CEP43: variants seen among roughly 807,000 people sequenced by gnomAD.
The protein encoded by CEP43 is centrosomal protein 43, also known as FGFR1 oncogene partner.
CEP43 carries 36 observed loss-of-function variants against 52.6 expected under a neutral mutation model. The observed-to-expected ratio is 0.68, with a 90% CI of 0.52 to 0.90. The LOEUF (loss-of-function observed/expected upper bound fraction) is 0.90. Ranked by LOEUF, CEP43 falls within the 40% of genes least tolerant of loss-of-function variation. The pLI is 0.00. For synonymous variants in CEP43, 192 were observed against 172.4 expected (o/e 1.11, Z -0.89); for missense variants, 506 against 472.8 (o/e 1.07, Z -0.65).
Position 167,048,649 on chromosome 6 carries a change from G to T in CEP43, c.*8671G>T, listed in dbSNP as rs1780833258. Reference sequence around the variant, plus strand: ...TGAGGAGCTCTTCTATGATTTGACAGTGCAATTACTGAAGGGGAAGACACC... The same window carrying T: ...TGAGGAGCTCTTCTATGATTTGACATTGCAATTACTGAAGGGGAAGACACC... On this transcript the variant is annotated 3_prime_UTR_variant, in exon 13 of 13. Transcript: ENST00000366847. The T allele has an allele frequency of 6.6e-6, 1 of 152,166 alleles. No individual in the cohort carries two copies. Among genetic ancestry groups the T allele is most frequent in the South Asian group, 2.1e-4 (1 of 4,828 alleles). The allele number at this position is 152,166 out of a possible 1,614,324, so 9.4% of individuals were successfully genotyped here.
At chr6:167,001,548 G>C (rs1395032813) in intron 2 of CEP43, among the ~76,000 whole-genome samples, 1 of 152,118 alleles carries the variant, frequency 6.6e-6, no homozygotes, top group Non-Finnish European at 1.5e-5. Flanking sequence ...TATTCATCCA[G>C]TAACTCCAGC....
At chr6:167,031,784 C>T (rs1433989204) in intron 10 of CEP43, among the ~76,000 whole-genome samples, 1 of 152,168 alleles carries the variant, frequency 6.6e-6, no homozygotes. Context: ...GCTGACAACT[C>T]TTTTTCCTCA....
chr6:166,999,726 TG>T lies in CEP43; in HGVS notation c.102+217del, dbSNP rs1272163947. The T allele has an allele frequency of 2.4e-4, 115 of 484,106 alleles. No individual in the cohort carries two copies. The East Asian group carries it at 3.9e-3, about 16-fold the overall frequency. 30.0% of individuals were successfully genotyped at this position (484,106 alleles called of 1,614,324 possible). The stretch of plus-strand genomic sequence containing the variant: ...TGTGGTCCCGGAGGGCACCGCGGAC[TG>T]GGGGTGCCTGGCCCATCCCCTGCCT... On this transcript the variant is annotated intron_variant, in intron 1 of 12. Transcript: ENST00000366847.
intron 6 of CEP43, chr6:167,011,516 G>C (rs1182184001): frequency 6.6e-6 from 1 of 152,214 alleles, no homozygotes; most frequent in Non-Finnish European, 1.5e-5. Flanking sequence ...AGGATATGTA[G>C]GAATGGATAG....
Position 167,004,382 on chromosome 6 carries a change from A to G in CEP43, c.419A>G (p.Lys140Arg). The G allele has an allele frequency of 6.3e-7, 1 of 1,597,536 alleles. No homozygotes were observed. The highest frequency in any genetic ancestry group is 8.5e-7 in the Non-Finnish European group (1 of 1,172,990). The change falls in exon 5 of 13, where the codon AAA becomes AGA. Residue 140 changes from lysine to arginine, a missense_variant. Coordinates refer to ENST00000366847, the MANE Select transcript of CEP43 (RefSeq NM_007045.4). ...ATCAGGCGCTGTCAACAGAAAGAAA[A>G]AGGGCCAACCACTGGGGAAGTAAGT... Reference protein sequence around the residue: ...EVIRRCQQKEKGPTTGEGALD... With the variant: ...EVIRRCQQKERGPTTGEGALD...
intron 6 of CEP43, among the ~76,000 whole-genome samples, chr6:167,013,176 A>G (rs1583275193): frequency 1.3e-5 from 2 of 152,162 alleles, no homozygotes; most frequent in East Asian, 3.9e-4. Flanking sequence ...ACAAGTCTTC[A>G]AGGAAGTTGC....
intron 7 of CEP43, among the ~76,000 whole-genome samples, chr6:167,016,978 T>A (rs201038089): frequency 0.014 from 2,085 of 150,882 alleles, 34 homozygotes; most frequent in East Asian, 0.083. Context: ...AAATTTTATT[T>A]ATTATTTATT....
At chr6:167,010,315 C>T (rs1055173577) in intron 5 of CEP43, among the ~76,000 whole-genome samples, 5 of 151,850 alleles carry the variant, frequency 3.3e-5, no homozygotes, top group African/African-American at 1.2e-4. Flanking sequence ...CAGGTACTTA[C>T]CATTTTGGAA....
intron 7 of CEP43, among the ~76,000 whole-genome samples, chr6:167,015,512 G>T (rs548531311): frequency 2.0e-5 from 3 of 152,184 alleles, no homozygotes; most frequent in African/African-American, 4.8e-5. Context: ...GGAGCCATCC[G>T]CATGGTAGGT....
At position 167,043,629 on chromosome 6, in the gene CEP43, C is replaced by G. The variant is rs1279663529; in HGVS notation, c.*3651C>G. ...AACTCCTGACCTCAGGTGATCCACC[C>G]GCCTCAGCCTCCCAAAGTGCTGGGA... On this transcript the variant is annotated 3_prime_UTR_variant, in exon 13 of 13. Transcript: ENST00000366847. The G allele has an allele frequency of 2.0e-5, 3 of 151,952 alleles. No homozygotes were observed. The highest frequency in any genetic ancestry group is 4.4e-5 in the Non-Finnish European group (3 of 68,016). 9.4% of individuals were successfully genotyped at this position (151,952 alleles called of 1,614,324 possible).
At position 167,051,646 on chromosome 6, in the gene CEP43, A is replaced by G. The variant is rs970411039; in HGVS notation, c.*11668A>G. The G allele has an allele frequency of 1.3e-5, 2 of 152,246 alleles. No homozygotes were observed. Among genetic ancestry groups the G allele is most frequent in the Non-Finnish European group, 2.9e-5 (2 of 68,038 alleles). The allele number at this position is 152,246 out of a possible 1,614,324, so 9.4% of individuals were successfully genotyped here. On this transcript the variant is annotated 3_prime_UTR_variant, in exon 13 of 13. Coordinates refer to ENST00000366847, the MANE Select transcript of CEP43 (RefSeq NM_007045.4). ...GTGCATACATATTTATAATTGTTAT[A>G]TCTTCCTGATGGATTGGTATTGTAA...
intron 3 of CEP43, 70 bp downstream of exon 3, chr6:167,003,317 T>C: frequency 1.3e-6 from 1 of 790,104 alleles, no homozygotes. Context: ...TTGGGAGAAA[T>C]CAGGAATTTC....
intron 7 of CEP43, among the ~76,000 whole-genome samples, chr6:167,019,688 T>G (rs1469722151): frequency 6.6e-6 from 1 of 152,242 alleles, no homozygotes. Flanking sequence ...AATATAGTAA[T>G]GCCCTTCTCC....
chr6:167,040,295 A>G lies in CEP43; in HGVS notation c.*317A>G. On this transcript the variant is annotated 3_prime_UTR_variant, in exon 13 of 13. Coordinates refer to ENST00000366847, the MANE Select transcript of CEP43 (RefSeq NM_007045.4). ...TGTTAAGAGCATGATGAAAGGTGTC[A>G]ATAAAGCCGTAGGATCGCGCAACCC... 1 of 1,457,696 alleles carries G rather than the reference A, an allele frequency of 6.9e-7. No individual in the cohort carries two copies. Among genetic ancestry groups the G allele is most frequent in the Non-Finnish European group, 9.0e-7 (1 of 1,114,582 alleles). The allele number at this position is 1,457,696 out of a possible 1,614,324, so 90.3% of individuals were successfully genotyped here.
At position 167,045,361 on chromosome 6, in the gene CEP43, C is replaced by G. The variant is rs552894506; in HGVS notation, c.*5383C>G. Reference sequence around the variant, plus strand: ...TATGGTGATCCGCACCCCTCCCCGCCCCCCCCGCGGCCCAGCCTCCCAAAG... The same window carrying G: ...TATGGTGATCCGCACCCCTCCCCGCGCCCCCCGCGGCCCAGCCTCCCAAAG... On this transcript the variant is annotated 3_prime_UTR_variant, in exon 13 of 13. Transcript: ENST00000366847. 6.6e-6 allele frequency: 1 copy of G among 151,310 alleles called. No homozygotes were observed. The highest frequency in any genetic ancestry group is 2.0e-4 in the East Asian group (1 of 5,012). The allele number at this position is 151,310 out of a possible 1,614,324, so 9.4% of individuals were successfully genotyped here.
At position 167,032,834 on chromosome 6, in the gene CEP43, T is replaced by C. The variant is rs539986430; in HGVS notation, c.1028+192T>C. Among the ~76,000 whole-genome samples the C allele has an allele frequency of 2.6e-4, 40 of 152,308 alleles. No individual in the cohort carries two copies. In the South Asian group the frequency reaches 5.2e-3, roughly 20 times the overall value. ...TGATTTTAGAGCATGTTTTTGATTT[T>C]ACATTAGAATATAGACAGTCACATT... On this transcript the variant is annotated intron_variant, in intron 11 of 12. Coordinates refer to ENST00000366847, the MANE Select transcript of CEP43 (RefSeq NM_007045.4).
chr6:167,028,027 TC>T (rs1780391007), intron 10 of CEP43: 1 of 985,676 alleles, frequency 1.0e-6, no homozygotes, highest in African/African-American at 1.7e-5. Flanking sequence ...CTTGTGCTTT[TC>T]CTGTCAGCTG....
At chr6:167,037,406 G>C (rs1336563334) in intron 12 of CEP43, among the ~76,000 whole-genome samples, 2 of 152,152 alleles carry the variant, frequency 1.3e-5, no homozygotes, top group Non-Finnish European at 2.9e-5. Flanking sequence ...ATTTCACTCT[G>C]TAATAATGAT....
intron 6 of CEP43, among the ~76,000 whole-genome samples, chr6:167,012,340 T>A (rs542611915): frequency 6.6e-6 from 1 of 152,142 alleles, no homozygotes; most frequent in Non-Finnish European, 1.5e-5. Context: ...AGATTTCTAG[T>A]TGGTGTAGGG....
Sources: allele counts gnomAD v4.1 joint callset (sites outside exome capture counted in the v4.1 genomes callset), GRCh38; gene constraint gnomAD v4.1.1; transcripts MANE v1.5; gene names NCBI Gene and HGNC (gene_info 2026-07-23, HGNC 2026-07-21).